KIRREL3: variants seen among roughly 807,000 people sequenced by gnomAD.
KIRREL3 encodes kirre like nephrin family adhesion molecule 3, also known as kin of IRRE-like protein 3.
KIRREL3 carries 36 observed loss-of-function variants against 89.7 expected under a neutral mutation model. The observed-to-expected ratio is 0.40, with a 90% confidence interval of 0.31 to 0.53. The LOEUF (loss-of-function observed/expected upper bound fraction) is 0.53. Ranked by LOEUF, KIRREL3 falls within the 20% of genes least tolerant of loss-of-function variation. The pLI is 0.49. For synonymous variants in KIRREL3, 445 were observed against 441.4 expected, an observed-to-expected ratio of 1.01 and a Z score of -0.10; for missense variants, 864 against 1,056.6, an observed-to-expected ratio of 0.82 and a Z score of 2.53.
intron 1 of KIRREL3, among the ~76,000 whole-genome samples, chr11:126,865,810 A>T (rs1053714740): frequency 7.9e-5 from 12 of 152,206 alleles, no homozygotes; most frequent in South Asian, 2.1e-4. Flanking sequence ...ATTTTTTTTT[A>T]AAAGTGAGAG....
At chr11:126,425,464 G>A (rs573143925) in intron 16 of KIRREL3, among the ~76,000 whole-genome samples, 174 bp downstream of exon 16, 217 of 152,322 alleles carry the variant, frequency 1.4e-3, no homozygotes, top group Middle Eastern at 0.014. Context: ...CCTCCTCAGC[G>A]TTGGGGTAGG....
chr11:126,955,916 C>G lies in KIRREL3; in HGVS notation c.55+44539G>C, dbSNP rs546255727. Among the ~76,000 whole-genome samples, 1 of 152,200 alleles carries G rather than the reference C, an allele frequency of 6.6e-6. No homozygotes were observed. Among genetic ancestry groups the G allele is most frequent in the South Asian group, 2.1e-4 (1 of 4,818 alleles). On this transcript the variant is annotated intron_variant, in intron 1 of 16. Coordinates refer to ENST00000525144, the MANE Select transcript of KIRREL3 (RefSeq NM_032531.4). This position sits in a 1 kb window ranked among gnomAD's most constrained non-coding sequence, Gnocchi z 4.6. ...GTTCTTAAGTATTTTTAATATTACC[C>G]TGGAAACATGAATTGAATTACACAA...
At chr11:126,435,386 G>A in intron 12 of KIRREL3, 83 bp from the exon 13 acceptor site, 1 of 1,385,888 alleles carries the variant, frequency 7.2e-7, no homozygotes, top group South Asian at 1.2e-5. Flanking sequence ...TGCTTGAGCG[G>A]GGCTGGGTGA....
At position 126,571,037 on chromosome 11, in the gene KIRREL3, G is replaced by A. The variant is rs1201154413; in HGVS notation, c.56-8125C>T. 6.6e-6 allele frequency among the ~76,000 whole-genome samples: 1 copy of A among 152,166 alleles called. No homozygotes were observed. The highest frequency in any genetic ancestry group is 1.5e-5 in the Non-Finnish European group (1 of 68,040). ...TTTAGAGGAGTGAGGAGTTTGTCCT[G>A]AGTCCCACAGCTGGCAAATGGTGAG... On this transcript the variant is annotated intron_variant, in intron 1 of 16. Transcript: ENST00000525144. The surrounding 1 kb of genome is among the most constrained non-coding windows in gnomAD (Gnocchi z 7.7).
intron 4 of KIRREL3, among the ~76,000 whole-genome samples, chr11:126,499,373 C>A (rs1957780954): frequency 6.6e-6 from 1 of 152,162 alleles, no homozygotes; most frequent in Non-Finnish European, 1.5e-5. Flanking sequence ...GCCCTACTTA[C>A]TTTCTGTTAA....
At chr11:126,738,369 G>A (rs1221376970) in intron 1 of KIRREL3, among the ~76,000 whole-genome samples, 1 of 151,984 alleles carries the variant, frequency 6.6e-6, no homozygotes, top group Non-Finnish European at 1.5e-5. Flanking sequence ...TCCCAGTCAC[G>A]GGCTGCAGCT....
Position 126,840,003 on chromosome 11 carries a change from A to G in KIRREL3, c.55+160452T>C, listed in dbSNP as rs189531729. Among the ~76,000 whole-genome samples the G allele has an allele frequency of 2.0e-5, 3 of 152,304 alleles. No individual in the cohort carries two copies. In the East Asian group the frequency reaches 5.8e-4, roughly 29 times the overall value. On this transcript the variant is annotated intron_variant, in intron 1 of 16. Transcript: ENST00000525144. ...AAGTGTACACAGCTAGAGAAACATA[A>G]TCGACTTCTCACTAGGGACATGAAC...
chr11:126,649,997 T>G (rs1030817682), intron 1 of KIRREL3, among the ~76,000 whole-genome samples: 5 of 152,238 alleles, frequency 3.3e-5, no homozygotes, highest in African/African-American at 1.2e-4. Context: ...TTGACTTCTG[T>G]GCACTCTCAG....
chr11:126,518,194 C>T (rs1958476433), intron 4 of KIRREL3, among the ~76,000 whole-genome samples: 1 of 152,230 alleles, frequency 6.6e-6, no homozygotes, highest in South Asian at 2.1e-4. Flanking sequence ...GAGCTGGAAA[C>T]ACAACGCTAA....
intron 1 of KIRREL3, among the ~76,000 whole-genome samples, chr11:126,646,012 T>C (rs1944651837): frequency 6.6e-6 from 1 of 152,248 alleles, no homozygotes; most frequent in Admixed American, 6.5e-5. Context: ...AAAATGATTC[T>C]TCATGAGTTA....
At chr11:126,436,584 GTTC>G (rs1955343614) in intron 12 of KIRREL3, among the ~76,000 whole-genome samples, 2 of 152,236 alleles carry the variant, frequency 1.3e-5, no homozygotes, top group African/African-American at 4.8e-5. Flanking sequence ...TCTGAGCTGT[GTTC>G]TTCCCTTTCT....
At chr11:126,580,715 G>A (rs753362381) in intron 1 of KIRREL3, among the ~76,000 whole-genome samples, 3 of 152,118 alleles carry the variant, frequency 2.0e-5, no homozygotes, top group African/African-American at 7.2e-5. Context: ...TGTGGGCCAG[G>A]ACTGCTCTGC....
chr11:126,926,705 C>T (rs576701926), intron 1 of KIRREL3, among the ~76,000 whole-genome samples: 4 of 152,330 alleles, frequency 2.6e-5, no homozygotes, highest in African/African-American at 9.6e-5. Context: ...TTCCCCCCTG[C>T]TCTGTGGTTG....
Position 126,989,033 on chromosome 11 carries a change from A to G in KIRREL3, c.55+11422T>C, listed in dbSNP as rs631958. ...AGTGGCCAAATCAAGGGGTCGGGGG[A>G]CAGCAGGGCCAAGGTCAAACACCTC... is the stretch of plus-strand genomic sequence containing the variant. On this transcript the variant is annotated intron_variant, in intron 1 of 16. Coordinates refer to ENST00000525144, the MANE Select transcript of KIRREL3 (RefSeq NM_032531.4). The surrounding 1 kb of genome is among the most constrained non-coding windows in gnomAD (Gnocchi z 6.2). Among the ~76,000 whole-genome samples, 34,114 of 152,054 alleles carry G rather than the reference A, an allele frequency of 0.22. 4,052 individuals are homozygous for G. The highest frequency in any genetic ancestry group is 0.27 in the African/African-American group (11,239 of 41,460).
In KIRREL3 at chr11:126,569,433, G is replaced by T. The variant is rs1940762023; in HGVS notation, c.56-6521C>A. Among the ~76,000 whole-genome samples the T allele has an allele frequency of 6.6e-6, 1 of 152,158 alleles. No individual in the cohort carries two copies. The highest frequency in any genetic ancestry group is 2.4e-5 in the African/African-American group (1 of 41,428). On this transcript the variant is annotated intron_variant, in intron 1 of 16. Coordinates refer to ENST00000525144, the MANE Select transcript of KIRREL3 (RefSeq NM_032531.4). This position sits in a 1 kb window ranked among gnomAD's most constrained non-coding sequence, Gnocchi z 6.5. ...ATTAATCCTACCCCTCTGGAACCAG[G>T]ACACATTAATAAATGTGACTGGTGT...
chr11:126,986,359 T>A (rs1288386987), intron 1 of KIRREL3, among the ~76,000 whole-genome samples: 1 of 152,198 alleles, frequency 6.6e-6, no homozygotes, highest in Non-Finnish European at 1.5e-5. Flanking sequence ...ACCTTGAATA[T>A]TTTTTTAAAA....
rs558879344 is a variant in KIRREL3, at chr11:126,491,214, C to A, written c.434-17748G>T. Among the ~76,000 whole-genome samples, 21 of 152,292 alleles carry A rather than the reference C, an allele frequency of 1.4e-4. No individual in the cohort carries two copies. The highest frequency in any genetic ancestry group is 5.1e-4 in the African/African-American group (21 of 41,566). On this transcript the variant is annotated intron_variant, in intron 4 of 16. Transcript: ENST00000525144. This position sits in a 1 kb window ranked among gnomAD's most constrained non-coding sequence, Gnocchi z 5.5. ...CGTCTGCATCTGAAAGTGGGCATGG[C>A]GGTGAAACCACCTGAGGGTCAGGAA...
rs2134284123 is a variant in KIRREL3 at position 126,766,809 on chromosome 11, T to A, written c.56-203897A>T. On this transcript the variant is annotated intron_variant, in intron 1 of 16. Transcript: ENST00000525144. This position sits in a 1 kb window ranked among gnomAD's most constrained non-coding sequence, Gnocchi z 4.2. ...CTGTTGATAATTGTGATAGTTAAAG[T>A]GATTTGCTTACAGTAATTAGTTCCT... Among the ~76,000 whole-genome samples the A allele has an allele frequency of 6.6e-6, 1 of 152,328 alleles. No individual in the cohort carries two copies. Among genetic ancestry groups the A allele is most frequent in the East Asian group, 1.9e-4 (1 of 5,188 alleles).
intron 7 of KIRREL3, among the ~76,000 whole-genome samples, chr11:126,450,563 G>A (rs1591553931): frequency 1.3e-5 from 2 of 151,200 alleles, no homozygotes; most frequent in African/African-American, 2.4e-5. Context: ...ATGTGTGCAT[G>A]TGCGTGTGCA....
Sources: gnomAD v4.1 joint callset for allele counts (sites outside exome capture counted in the v4.1 genomes callset) on GRCh38, gnomAD v4.1.1 for gene constraint, Gnocchi (gnomAD v3.1) non-coding constraint, MANE v1.5 for transcripts, NCBI Gene and HGNC (gene_info 2026-07-23, HGNC 2026-07-21) for gene names.